Variants in IRF4 observed in about 807,000 individuals in gnomAD.
IRF4 encodes lymphocyte-specific interferon regulatory factor.
IRF4 carries 13 observed loss-of-function variants against 55.5 expected under a neutral mutation model. That is an observed-to-expected ratio of 0.23 (90% confidence interval 0.15 to 0.37). IRF4 has a LOEUF of 0.37. IRF4 is among the 10% of genes least tolerant of loss of function. The pLI is 1.00. For missense variants in IRF4, 397 were observed against 593.8 expected, an observed-to-expected ratio of 0.67 and a Z score of 3.44; for synonymous variants, 249 against 240.7, an observed-to-expected ratio of 1.03 and a Z score of -0.32.
intron 2 of IRF4, among the ~76,000 whole-genome samples, chr6:394,008 C>A (rs954423737): frequency 6.6e-6 from 1 of 152,218 alleles, no homozygotes; most frequent in Non-Finnish European, 1.5e-5. Flanking sequence ...GCCCTTTGCG[C>A]GAGTGCACAC....
chr6:394,005 G>T (rs1761192629), intron 2 of IRF4, among the ~76,000 whole-genome samples: 1 of 152,136 alleles, frequency 6.6e-6, no homozygotes, highest in Admixed American at 6.5e-5. Flanking sequence ...CTTGCCCTTT[G>T]CGCGAGTGCA....
rs1761165092 is a variant in IRF4, at chr6:393,238, T to G, written c.86T>G (p.Ile29Ser). ...AACGGGAAGCTCCGCCAGTGGCTGA[T>G]CGACCAGATCGACAGCGGCAAGTAC... Reference protein sequence around the residue: ...CGNGKLRQWLIDQIDSGKYPG... With the variant: ...CGNGKLRQWLSDQIDSGKYPG... The change falls in exon 2 of 9, where the codon ATC (isoleucine) becomes AGC (serine). Residue 29 changes from isoleucine to serine, a missense_variant. Ile to Ser is a moderately radical substitution (Grantham distance 142). Coordinates refer to ENST00000380956, the MANE Select transcript of IRF4 (RefSeq NM_002460.4). The surrounding 1 kb of genome is among the most constrained non-coding windows in gnomAD (Gnocchi z 5.4). The G allele has an allele frequency of 1.3e-6, 2 of 1,578,798 alleles. No individual in the cohort carries two copies. Among genetic ancestry groups the G allele is most frequent in the Non-Finnish European group, 1.7e-6 (2 of 1,162,342 alleles).
chr6:394,701 GC>G (rs1284663664), intron 2 of IRF4, 119 bp from the exon 3 acceptor site: 3 of 900,236 alleles, frequency 3.3e-6, no homozygotes, highest in Non-Finnish European at 5.1e-6. Context: ...GCTGCGGTGA[GC>G]TATCATCGTG....
chr6:407,597 GA>G lies in IRF4; in HGVS notation c.*4del. ...ATCCGCCATTCCTCTATTCAAGAAT[GA>G]AAAATGTCAAGATGAGTGGTTTTCT... is the stretch of plus-strand genomic sequence containing the variant. Reference protein sequence around the residue: ...RSIRHSSIQE* With the variant: ...RSIRHSSIQEX On this transcript the variant is annotated frameshift_variant and stop_lost, in exon 9 of 9. Transcript: ENST00000380956. LOFTEE classifies it high-confidence loss of function. The G allele has an allele frequency of 6.5e-7, 1 of 1,535,848 alleles. No individual in the cohort carries two copies. Among genetic ancestry groups the G allele is most frequent in the Non-Finnish European group, 8.9e-7 (1 of 1,126,324 alleles).
chr6:392,044 C>T, intron 1 of IRF4: 1 of 347,176 alleles, frequency 2.9e-6, no homozygotes, highest in Middle Eastern at 1.1e-3. Context: ...CCCGCCTGCC[C>T]TCCGCGCTCC....
At chr6:391,941 C>A (rs746213371) in intron 1 of IRF4, 132 bp downstream of exon 1, 2 of 434,408 alleles carry the variant, frequency 4.6e-6, no homozygotes, top group South Asian at 1.6e-5. Flanking sequence ...GAGCGCGCCC[C>A]GTCCTGGAGC....
chr6:407,665 G>A lies in IRF4; in HGVS notation c.*67G>A. The A allele has an allele frequency of 7.3e-7, 1 of 1,374,696 alleles. No homozygotes were observed. Among genetic ancestry groups the A allele is most frequent in the East Asian group, 2.4e-5 (1 of 41,288 alleles). The allele number at this position is 1,374,696 out of a possible 1,614,324, so 85.2% of individuals were successfully genotyped here. Reference sequence around the variant, plus strand: ...TTTTTTTTTGATACGGGGATACGGGGTCTTGCTCTGTCTCCCAGGCTGGAG... The same window carrying A: ...TTTTTTTTTGATACGGGGATACGGGATCTTGCTCTGTCTCCCAGGCTGGAG... On this transcript the variant is annotated 3_prime_UTR_variant, in exon 9 of 9. Transcript: ENST00000380956.
intron 5 of IRF4, among the ~76,000 whole-genome samples, chr6:398,412 A>C (rs1761321445): frequency 1.3e-5 from 2 of 152,266 alleles, no homozygotes; most frequent in African/African-American, 4.8e-5. Flanking sequence ...AGAGACAAGC[A>C]AAATAAAAAT....
chr6:393,244 A>G lies in IRF4; in HGVS notation c.92A>G (p.Gln31Arg). 1 of 1,584,618 alleles carries G rather than the reference A, an allele frequency of 6.3e-7. No homozygotes were observed. Among genetic ancestry groups the G allele is most frequent in the East Asian group, 2.3e-5 (1 of 43,548 alleles). ...NGKLRQWLID[Q>R]IDSGKYPGLV... ...AAGCTCCGCCAGTGGCTGATCGACC[A>G]GATCGACAGCGGCAAGTACCCCGGG... is the stretch of plus-strand genomic sequence containing the variant. The change falls in exon 2 of 9, where the codon CAG becomes CGG. Residue 31 changes from glutamine (Q) to arginine (R), a missense_variant. Gln to Arg is a conservative substitution (Grantham distance 43). Transcript: ENST00000380956. This position sits in a 1 kb window ranked among gnomAD's most constrained non-coding sequence, Gnocchi z 5.4.
intron 1 of IRF4, among the ~76,000 whole-genome samples, chr6:392,279 G>T (rs1478790576): frequency 1.3e-5 from 2 of 152,264 alleles, no homozygotes; most frequent in Admixed American, 6.5e-5. Context: ...ACCCGCTGGC[G>T]CAGGAGGAGG....
In IRF4 at chr6:399,438, C is replaced by T. The variant is rs532277095; in HGVS notation, c.745+503C>T. On this transcript the variant is annotated intron_variant, in intron 6 of 8. Transcript: ENST00000380956. ...AAGAGTAATACACATTTTGGTCTTC[C>T]TCTGAACTTTAATATAGCTTGCAAA... Among the ~76,000 whole-genome samples the T allele has an allele frequency of 1.5e-4, 22 of 150,748 alleles. No homozygotes were observed. In the South Asian group the frequency reaches 4.4e-3, roughly 30 times the overall value.
rs1761152794 is a variant in IRF4 at position 393,012 on chromosome 6, G to A, written c.-55-86G>A. On this transcript the variant is annotated intron_variant, in intron 1 of 8. Coordinates refer to ENST00000380956, the MANE Select transcript of IRF4 (RefSeq NM_002460.4). This position sits in a 1 kb window ranked among gnomAD's most constrained non-coding sequence, Gnocchi z 5.4. ...GCTTCGCAGCCTCAAAGACTCCGGG[G>A]CCTCGTGGTCACTGGCGCAGGGGAT... 1 of 747,714 alleles carries A rather than the reference G, an allele frequency of 1.3e-6. No homozygotes were observed. 46.3% of individuals were successfully genotyped at this position (747,714 alleles called of 1,614,324 possible). A position where few individuals can be genotyped will look rare whatever the true frequency, so the allele number is the denominator to read the frequency against.
At position 409,275 on chromosome 6, in the gene IRF4, ATACAAT is replaced by A. The variant is rs1227428571; in HGVS notation, c.*1680_*1685del. ...TTCTAATATTAAAGTCAGAATATTA[ATACAAT>A]TAATATTAATATTAACTACAGAAAA... On this transcript the variant is annotated 3_prime_UTR_variant, in exon 9 of 9. Transcript: ENST00000380956. 2.1e-5 allele frequency: 4 copies of A among 191,592 alleles called. No homozygotes were observed. Among genetic ancestry groups the A allele is most frequent in the Non-Finnish European group, 4.4e-5 (4 of 91,504 alleles). The allele number at this position is 191,592 out of a possible 1,614,324, so 11.9% of individuals were successfully genotyped here.
chr6:404,182 C>T (rs905179414), intron 7 of IRF4, among the ~76,000 whole-genome samples: 18 of 152,158 alleles, frequency 1.2e-4, no homozygotes. Flanking sequence ...GCGGGCGTGA[C>T]ATTTTATTGT....
chr6:410,388 C>T lies in IRF4; in HGVS notation c.*2790C>T, dbSNP rs145553686. The T allele has an allele frequency of 2.5e-3, 576 of 228,404 alleles. No individual in the cohort carries two copies. Among genetic ancestry groups the T allele is most frequent in the Middle Eastern group, 9.3e-3 (7 of 756 alleles). The allele number at this position is 228,404 out of a possible 1,614,324, so 14.1% of individuals were successfully genotyped here. On this transcript the variant is annotated 3_prime_UTR_variant, in exon 9 of 9. Transcript: ENST00000380956. Reference sequence around the variant, plus strand: ...ACCTAGGAAGCCCCTGAGTCCTGAGCGAAAACAGGAGAGTTAGTCGCCCTA... The same window carrying T: ...ACCTAGGAAGCCCCTGAGTCCTGAGTGAAAACAGGAGAGTTAGTCGCCCTA...
intron 7 of IRF4, among the ~76,000 whole-genome samples, chr6:402,841 G>A (rs1324058399): frequency 2.0e-5 from 3 of 152,190 alleles, no homozygotes; most frequent in African/African-American, 7.2e-5. Context: ...AGACCAGCCT[G>A]GCCAACATGG....
rs1446497140 is a variant in IRF4, at chr6:401,513, G to A, written c.835G>A (p.Gly279Arg). The part of the protein sequence containing the change: ...SSPEGCRISH[G>R]HTYDASNLDQ... ...CCCCGAGGGCTGCCGGATCTCCCAT[G>A]GACATACGTATGACGCCAGCAACCT... Residue 279 changes from glycine to arginine, a missense_variant, in exon 7 of 9, where the codon GGA becomes AGA. Gly to Arg is a moderately radical substitution (Grantham distance 125, BLOSUM62 -2). This residue lies in a region of IRF4 where 341 missense variants were observed against 548.1 expected (regional missense o/e 0.62). Transcript: ENST00000380956. The A allele has an allele frequency of 6.2e-7, 1 of 1,613,934 alleles. No individual in the cohort carries two copies. Among genetic ancestry groups the A allele is most frequent in the Non-Finnish European group, 8.5e-7 (1 of 1,180,046 alleles).
rs1192002562 is a variant in IRF4 at position 393,539 on chromosome 6, T to C, written c.216+171T>C. ...AGCCGCAGGAGGAGGAAAGGAGGCCTCGGCTCTCAGCGGGACCGCGGGGGC... is the reference window on the plus strand; with the variant it reads ...AGCCGCAGGAGGAGGAAAGGAGGCCCCGGCTCTCAGCGGGACCGCGGGGGC... On this transcript the variant is annotated intron_variant, in intron 2 of 8. Transcript: ENST00000380956. The surrounding 1 kb of genome is among the most constrained non-coding windows in gnomAD (Gnocchi z 5.4). Among the ~76,000 whole-genome samples the C allele has an allele frequency of 6.6e-6, 1 of 151,584 alleles. No homozygotes were observed. The highest frequency in any genetic ancestry group is 1.5e-5 in the Non-Finnish European group (1 of 67,818).
chr6:404,412 G>C (rs991708507), intron 7 of IRF4, among the ~76,000 whole-genome samples: 14 of 152,230 alleles, frequency 9.2e-5, no homozygotes, highest in African/African-American at 3.4e-4. Context: ...CCTGGAGACA[G>C]GCAAGAAGTC....
Sources: gnomAD v4.1 joint callset for allele counts (sites outside exome capture counted in the v4.1 genomes callset) on GRCh38, gnomAD v4.1.1 for gene constraint, gnomAD v4.1.1 regional missense constraint, Gnocchi (gnomAD v3.1) non-coding constraint, MANE v1.5 for transcripts, NCBI Gene and HGNC (gene_info 2026-07-23, HGNC 2026-07-21) for gene names.